The following ZMYND11 variants were observed in gnomAD, a reference collection of about 807,000 sequenced individuals.
The protein encoded by ZMYND11 is zinc finger MYND-type containing 11.
A neutral mutation model predicts 84.9 loss-of-function variants in ZMYND11; 9 were observed. The observed-to-expected ratio is 0.11, with a 90% CI of 0.06 to 0.18. The LOEUF (loss-of-function observed/expected upper bound fraction) is 0.18. ZMYND11 is among the 10% of genes least tolerant of loss of function. The pLI, the probability that ZMYND11 is intolerant of heterozygous loss-of-function variation, is 1.00. For missense variants in ZMYND11, 409 were observed against 761.0 expected, an observed-to-expected ratio of 0.54 and a Z score of 5.44; for synonymous variants, 250 against 244.1, an observed-to-expected ratio of 1.02 and a Z score of -0.23.
chr10:235,976 G>A (rs992473715), intron 4 of ZMYND11, among the ~76,000 whole-genome samples: 1 of 152,198 alleles, frequency 6.6e-6, no homozygotes, highest in Non-Finnish European at 1.5e-5. Flanking sequence ...GTGTACTGAA[G>A]TGACTTCCTA....
chr10:173,988 C>T (rs1845981589), intron 1 of ZMYND11, among the ~76,000 whole-genome samples: 1 of 152,150 alleles, frequency 6.6e-6, no homozygotes, highest in Non-Finnish European at 1.5e-5. Flanking sequence ...CTTGGGAAGA[C>T]AGTTTGGCAG....
intron 1 of ZMYND11, among the ~76,000 whole-genome samples, chr10:166,054 T>G (rs1316938848): frequency 2.6e-5 from 4 of 152,076 alleles, no homozygotes; most frequent in Non-Finnish European, 4.4e-5. Flanking sequence ...GATTTCCACA[T>G]GTACAAAATG....
chr10:203,033 C>A (rs1281254276), intron 2 of ZMYND11, among the ~76,000 whole-genome samples: 1 of 151,790 alleles, frequency 6.6e-6, no homozygotes, highest in African/African-American at 2.4e-5. Flanking sequence ...CATCAAAATC[C>A]TATAGCAAGC....
At chr10:177,913 C>G (rs1847015509) in intron 1 of ZMYND11, among the ~76,000 whole-genome samples, 2 of 152,090 alleles carry the variant, frequency 1.3e-5, no homozygotes, top group Admixed American at 6.5e-5. Context: ...CACTTCCCTT[C>G]CTTTGTGCTT....
chr10:159,247 G>T (rs1398504540), intron 1 of ZMYND11, among the ~76,000 whole-genome samples: 1 of 150,982 alleles, frequency 6.6e-6, no homozygotes, highest in African/African-American at 2.4e-5. Flanking sequence ...ACATCATTTT[G>T]TGATTTTTGC....
At chr10:231,196 A>G (rs988545796) in intron 4 of ZMYND11, among the ~76,000 whole-genome samples, 2 of 152,206 alleles carry the variant, frequency 1.3e-5, no homozygotes, top group Non-Finnish European at 2.9e-5. Flanking sequence ...CAAAGCCTAA[A>G]ATATTTGCTC....
chr10:169,994 A>G (rs922610675), intron 1 of ZMYND11, among the ~76,000 whole-genome samples: 4 of 152,112 alleles, frequency 2.6e-5, no homozygotes, highest in African/African-American at 4.8e-5. Context: ...TAAGCATACC[A>G]TATTCAAATG....
intron 3 of ZMYND11, among the ~76,000 whole-genome samples, chr10:215,665 C>G (rs1284971467): frequency 6.6e-6 from 1 of 151,934 alleles, no homozygotes; most frequent in Non-Finnish European, 1.5e-5. Flanking sequence ...TCAAGCAATC[C>G]TCCTGCCTCA....
chr10:209,777 C>T, intron 2 of ZMYND11, 112 bp from the exon 3 acceptor site: 2 of 1,022,224 alleles, frequency 2.0e-6, no homozygotes, highest in South Asian at 1.8e-5. Context: ...CTCAACAGGA[C>T]TCTCATAAAT....
upstream of ZMYND11, among the ~76,000 whole-genome samples, chr10:130,841 G>C (rs782283905): frequency 1.3e-5 from 2 of 151,962 alleles, no homozygotes; most frequent in Non-Finnish European, 2.9e-5. Context: ...AGTCGGGGCC[G>C]GGCACGGTGG....
intron 2 of ZMYND11, among the ~76,000 whole-genome samples, chr10:188,412 A>AC (rs1403739884): frequency 5.3e-5 from 8 of 149,840 alleles, no homozygotes; most frequent in South Asian, 4.3e-4. Context: ...ACATAATGAG[A>AC]CCCCATCTCT....
intron 1 of ZMYND11, among the ~76,000 whole-genome samples, chr10:162,122 G>A (rs1843064430): frequency 6.6e-6 from 1 of 152,214 alleles, no homozygotes; most frequent in East Asian, 1.9e-4. Flanking sequence ...TAATGCGCCG[G>A]ATTTCATTAT....
At chr10:249,465 A>G (rs1952883705) in intron 14 of ZMYND11, 1 of 984,882 alleles carries the variant, frequency 1.0e-6, no homozygotes, top group Non-Finnish European at 1.2e-6. Flanking sequence ...AAATGTAATT[A>G]TCACAATAAA....
rs575452779 is a variant in ZMYND11, at chr10:250,877, G to T, written c.1687-1471G>T. ...ATCTCTACAAAAAATACAAAAATTA[G>T]CCGGGCGTGGTGGTGTGTGCCTGAA... On this transcript the variant is annotated intron_variant, in intron 14 of 14. Transcript: ENST00000381604. Among the ~76,000 whole-genome samples, 9 of 152,212 alleles carry T rather than the reference G, an allele frequency of 5.9e-5. No homozygotes were observed. In the South Asian group the frequency reaches 1.9e-3, roughly 32 times the overall value.
chr10:248,846 TAG>T, intron 13 of ZMYND11, 55 bp from the exon 14 acceptor site: 1 of 1,554,076 alleles, frequency 6.4e-7, no homozygotes, highest in South Asian at 1.2e-5. Context: ...TGTTCCAGTG[TAG>T]ATGGTCTGTG....
chr10:137,631 G>C (rs1554752607), intron 1 of ZMYND11, among the ~76,000 whole-genome samples: 1 of 152,160 alleles, frequency 6.6e-6, no homozygotes, highest in African/African-American at 2.4e-5. Context: ...AAAAGTTAGA[G>C]TGCTTTCTGG....
chr10:208,702 A>T (rs548233229), intron 2 of ZMYND11, among the ~76,000 whole-genome samples: 8 of 152,302 alleles, frequency 5.3e-5, no homozygotes, highest in African/African-American at 1.9e-4. Context: ...GGACTAAGAC[A>T]GAAAGAGAGG....
chr10:226,380 G>T lies in ZMYND11; in HGVS notation c.438+5024G>T, dbSNP rs561307033. Among the ~76,000 whole-genome samples the T allele has an allele frequency of 2.0e-5, 3 of 152,246 alleles. No homozygotes were observed. In the South Asian group the frequency reaches 6.2e-4, roughly 32 times the overall value. Reference sequence around the variant, plus strand: ...AAACTCTGTAGCAAAACAAAGTGTAGATTTTTTTCCCCAAAATAATTGGCA... The same window carrying T: ...AAACTCTGTAGCAAAACAAAGTGTATATTTTTTTCCCCAAAATAATTGGCA... On this transcript the variant is annotated intron_variant, in intron 4 of 14. Transcript: ENST00000381604.
chr10:194,562 C>T (rs1262057391), intron 2 of ZMYND11, among the ~76,000 whole-genome samples: 1 of 152,126 alleles, frequency 6.6e-6, no homozygotes, highest in Admixed American at 6.5e-5. Context: ...CCAAATTTTC[C>T]ACTTTCTCTC....
Sources: gnomAD v4.1 joint callset for allele counts (sites outside exome capture counted in the v4.1 genomes callset) on GRCh38, gnomAD v4.1.1 for gene constraint, MANE v1.5 for transcripts, NCBI Gene and HGNC (gene_info 2026-07-23, HGNC 2026-07-21) for gene names.